AUTS2: variants seen among roughly 807,000 people sequenced by gnomAD.
The protein encoded by AUTS2 is activator of transcription and developmental regulator AUTS2, also known as autism susceptibility gene 2 protein.
A neutral mutation model predicts 112.4 loss-of-function variants in AUTS2; 17 were observed. The ratio of observed to expected loss-of-function variants is 0.15; its 90% CI spans 0.10 to 0.23. AUTS2 has a LOEUF of 0.23. AUTS2 is among the 10% of genes least tolerant of loss of function. The pLI, the probability that AUTS2 is intolerant of heterozygous loss-of-function variation, is 1.00. For missense variants in AUTS2, 1,510 were observed against 1,701.6 expected, an observed-to-expected ratio of 0.89 and a Z score of 1.98; for synonymous variants, 751 against 702.7, an observed-to-expected ratio of 1.07 and a Z score of -1.09.
At chr7:69,729,400 G>GT (rs1328049159) in intron 1 of AUTS2, among the ~76,000 whole-genome samples, 1 of 140,682 alleles carries the variant, frequency 7.1e-6, no homozygotes, top group African/African-American at 2.7e-5. Context: ...GGGATTAAGA[G>GT]TTTTAAATGT....
At chr7:70,158,523 T>C (rs1697037088) in intron 4 of AUTS2, among the ~76,000 whole-genome samples, 1 of 152,208 alleles carries the variant, frequency 6.6e-6, no homozygotes, top group Non-Finnish European at 1.5e-5. Flanking sequence ...TACAATTCAC[T>C]AAGAGAGGCA....
At chr7:70,590,552 A>C (rs910568665) in intron 5 of AUTS2, among the ~76,000 whole-genome samples, 4 of 152,094 alleles carry the variant, frequency 2.6e-5, no homozygotes, top group Non-Finnish European at 5.9e-5. Context: ...TAGTAGGGTA[A>C]TTTCCTTTTC....
At chr7:69,972,609 G>C (rs947573167) in intron 2 of AUTS2, among the ~76,000 whole-genome samples, 5 of 151,686 alleles carry the variant, frequency 3.3e-5, no homozygotes, top group African/African-American at 1.2e-4. Context: ...TCCATTTTGA[G>C]ATAAATTTTT....
At chr7:70,104,945 G>A (rs1319246056) in intron 2 of AUTS2, among the ~76,000 whole-genome samples, 2 of 152,030 alleles carry the variant, frequency 1.3e-5, no homozygotes, top group African/African-American at 4.8e-5. Flanking sequence ...GATTATCTTC[G>A]TGCATGTGGA....
chr7:70,374,994 A>G (rs1472826032), intron 4 of AUTS2, among the ~76,000 whole-genome samples: 2 of 152,108 alleles, frequency 1.3e-5, no homozygotes, highest in African/African-American at 4.8e-5. Flanking sequence ...ACTCAGGCCC[A>G]TTACCTGCTC....
At chr7:69,633,913 T>C (rs1234329890) in intron 1 of AUTS2, among the ~76,000 whole-genome samples, 1 of 152,190 alleles carries the variant, frequency 6.6e-6, no homozygotes, top group Non-Finnish European at 1.5e-5. Context: ...TCATTGGTTA[T>C]TTCTTTTGCT....
chr7:70,438,729 C>G (rs561627935), intron 5 of AUTS2, among the ~76,000 whole-genome samples: 37 of 152,314 alleles, frequency 2.4e-4, no homozygotes, highest in Admixed American at 1.2e-3. Context: ...CTGTGCCCCC[C>G]TCGAAGCCCC....
At chr7:70,248,546 T>C (rs911747022) in intron 4 of AUTS2, among the ~76,000 whole-genome samples, 5 of 152,234 alleles carry the variant, frequency 3.3e-5, no homozygotes, top group Admixed American at 1.3e-4. Context: ...CAGATAATAT[T>C]TGTCTGTTAA....
intron 1 of AUTS2, among the ~76,000 whole-genome samples, chr7:69,700,641 C>A (rs1056479045): frequency 3.9e-5 from 6 of 152,160 alleles, no homozygotes; most frequent in African/African-American, 1.4e-4. Context: ...AGCCCATCTT[C>A]CATTATTCTT....
intron 4 of AUTS2, among the ~76,000 whole-genome samples, chr7:70,432,524 A>G (rs1344035626): frequency 2.0e-5 from 3 of 152,182 alleles, no homozygotes; most frequent in Non-Finnish European, 2.9e-5. Flanking sequence ...CAGGCCCATA[A>G]ACCGCTGCCA....
chr7:70,716,405 G>A lies in AUTS2; in HGVS notation c.742+17785G>A, dbSNP rs999736045. 1.6e-4 allele frequency among the ~76,000 whole-genome samples: 25 copies of A among 151,882 alleles called. 1 individual carries two copies. Among genetic ancestry groups the A allele is most frequent in the Admixed American group, 1.3e-3 (20 of 15,252 alleles). ...TCCCAGCACTTTGGGAGGCTGAGGC[G>A]GGTGGATCACGAGGTCAGGAGATTG... On this transcript the variant is annotated intron_variant, in intron 6 of 18. Coordinates refer to ENST00000342771, the MANE Select transcript of AUTS2 (RefSeq NM_015570.4).
intron 4 of AUTS2, among the ~76,000 whole-genome samples, chr7:70,188,701 A>G (rs1809729394): frequency 6.6e-6 from 1 of 152,102 alleles, no homozygotes; most frequent in South Asian, 2.1e-4. Flanking sequence ...AATATAAGTG[A>G]TGTGTCCTGC....
chr7:69,746,462 G>A (rs1445714095), intron 1 of AUTS2, among the ~76,000 whole-genome samples: 2 of 152,144 alleles, frequency 1.3e-5, no homozygotes, highest in Non-Finnish European at 2.9e-5. Context: ...GAATAAAGGT[G>A]TGCTGAGATG....
At chr7:69,765,769 A>T (rs1293379472) in intron 1 of AUTS2, among the ~76,000 whole-genome samples, 2 of 152,004 alleles carry the variant, frequency 1.3e-5, no homozygotes, top group African/African-American at 4.8e-5. Flanking sequence ...GCAAAACCCC[A>T]TGTCTACAAA....
At chr7:70,015,139 T>G (rs922302977) in intron 2 of AUTS2, among the ~76,000 whole-genome samples, 4 of 152,204 alleles carry the variant, frequency 2.6e-5, no homozygotes, top group African/African-American at 9.7e-5. Context: ...CTGCTCACTC[T>G]CCTGAAAGTC....
chr7:69,838,298 C>T (rs950905864), intron 1 of AUTS2, among the ~76,000 whole-genome samples: 14 of 143,250 alleles, frequency 9.8e-5, no homozygotes, highest in Non-Finnish European at 1.6e-4. Context: ...AGGCCTAAAG[C>T]GATTGATGAT....
chr7:70,683,262 A>C (rs1208904799), intron 5 of AUTS2, among the ~76,000 whole-genome samples: 1 of 142,052 alleles, frequency 7.0e-6, no homozygotes, highest in Non-Finnish European at 1.6e-5. Flanking sequence ...AGGACTTTGC[A>C]GTTTAGTTTT....
chr7:70,323,500 C>A (rs1481658142), intron 4 of AUTS2, among the ~76,000 whole-genome samples: 1 of 152,046 alleles, frequency 6.6e-6, no homozygotes, highest in African/African-American at 2.4e-5. Context: ...AGTTCCAGGG[C>A]AAACTGAGGA....
chr7:70,575,880 G>A (rs2129526359), intron 5 of AUTS2, among the ~76,000 whole-genome samples: 1 of 152,286 alleles, frequency 6.6e-6, no homozygotes, highest in Middle Eastern at 3.4e-3. Context: ...CTCTCATTAA[G>A]GGTCTGGTTT....
Sources: allele counts gnomAD v4.1 joint callset (sites outside exome capture counted in the v4.1 genomes callset), GRCh38; gene constraint gnomAD v4.1.1; transcripts MANE v1.5; gene names NCBI Gene and HGNC (gene_info 2026-07-23, HGNC 2026-07-21).